The following ARHGAP24 variants were observed in gnomAD, a reference collection of about 807,000 sequenced individuals.
ARHGAP24 encodes the protein Rho GTPase activating protein 24, also known as rho GTPase-activating protein 24.
A neutral mutation model predicts 76.4 loss-of-function variants in ARHGAP24; 50 were observed. The ratio of observed to expected loss-of-function variants is 0.65; its 90% CI spans 0.52 to 0.83. The LOEUF is 0.83. ARHGAP24 is among the 40% of genes least tolerant of loss of function. ARHGAP24 has a pLI of 0.00. For missense variants in ARHGAP24, 930 were observed against 914.2 expected, an observed-to-expected ratio of 1.02 and a Z score of -0.22; for synonymous variants, 345 against 323.3, an observed-to-expected ratio of 1.07 and a Z score of -0.72.
chr4:85,645,286 TA>T (rs1286415245), intron 2 of ARHGAP24, among the ~76,000 whole-genome samples: 1 of 152,168 alleles, frequency 6.6e-6, no homozygotes, highest in African/African-American at 2.4e-5. Flanking sequence ...CACTATTTCA[TA>T]GAGTAAATTT....
intron 1 of ARHGAP24, among the ~76,000 whole-genome samples, chr4:85,517,047 G>A (rs928937308): frequency 2.0e-5 from 3 of 152,050 alleles, no homozygotes; most frequent in Non-Finnish European, 4.4e-5. Context: ...TCAGTGAGTT[G>A]AGCTGACACT....
chr4:85,686,250 T>G (rs1170704983), intron 2 of ARHGAP24, among the ~76,000 whole-genome samples: 2 of 152,136 alleles, frequency 1.3e-5, no homozygotes, highest in Non-Finnish European at 2.9e-5. Flanking sequence ...CACCCATATT[T>G]AATATGTCAC....
intron 4 of ARHGAP24, among the ~76,000 whole-genome samples, chr4:85,937,502 G>T (rs1213322561): frequency 1.3e-5 from 2 of 152,202 alleles, no homozygotes; most frequent in African/African-American, 4.8e-5. Flanking sequence ...TAATTAATAT[G>T]TAGTGAAATT....
intron 3 of ARHGAP24, among the ~76,000 whole-genome samples, chr4:85,730,311 T>C (rs7660702): frequency 0.43 from 65,879 of 152,040 alleles, 16,088 homozygotes; most frequent in East Asian, 0.91. Context: ...ATTCAGGGAG[T>C]TATTTACAAA....
At chr4:85,763,770 A>G (rs2110074699) in intron 3 of ARHGAP24, among the ~76,000 whole-genome samples, 1 of 152,282 alleles carries the variant, frequency 6.6e-6, no homozygotes. Flanking sequence ...ATGGAGTAAC[A>G]GTCTTGAGTT....
Position 85,721,981 on chromosome 4 carries a change from T to A in ARHGAP24, c.268+9T>A, listed in dbSNP as rs564276651. 3 of 1,608,650 alleles carry A rather than the reference T, an allele frequency of 1.9e-6. No individual in the cohort carries two copies. The highest frequency in any genetic ancestry group is 4.5e-5 in the East Asian group (2 of 44,742). On this transcript the variant is annotated intron_variant, in intron 3 of 9. Transcript: ENST00000395184. ...TTTTGAAGTAGTTCCAGGTAAGATA[T>A]TTTCCTAGTCTGATTAAATTATTGT...
Position 85,926,572 on chromosome 4 carries a change from A to G in ARHGAP24, c.391+2802A>G, listed in dbSNP as rs143829635. On this transcript the variant is annotated intron_variant, in intron 4 of 9. Transcript: ENST00000395184. ...TAAGATTTCAAATGTTCCTATTAAT[A>G]TTAATAAATTCTGTTATTGATTGAA... Among the ~76,000 whole-genome samples, 1,198 of 152,312 alleles carry G rather than the reference A, an allele frequency of 7.9e-3. 13 individuals are homozygous for G. Among genetic ancestry groups the G allele is most frequent in the African/African-American group, 0.027 (1,116 of 41,570 alleles).
chr4:85,608,118 A>G (rs1301392693), intron 2 of ARHGAP24, among the ~76,000 whole-genome samples: 1 of 152,208 alleles, frequency 6.6e-6, no homozygotes, highest in Admixed American at 6.5e-5. Flanking sequence ...GTTGTTTATA[A>G]TGAATGAGCA....
At chr4:85,905,930 A>G (rs919468446) in intron 3 of ARHGAP24, among the ~76,000 whole-genome samples, 1 of 152,158 alleles carries the variant, frequency 6.6e-6, no homozygotes, top group African/African-American at 2.4e-5. Flanking sequence ...ACCAATTAGT[A>G]CACTGGACAT....
In ARHGAP24 at chr4:85,874,919, T is replaced by TTTTATATAATTTATATATAAATATA. The variant is rs1553937328; in HGVS notation, c.269-48727_269-48726insTATATAATTTATATATAAATATATT. Among the ~76,000 whole-genome samples, 9 of 85,636 alleles carry TTTTATATAATTTATATATAAATATA rather than the reference T, an allele frequency of 1.1e-4. 1 individual carries two copies. The highest frequency in any genetic ancestry group is 4.7e-4 in the African/African-American group (9 of 18,954). The allele number at this position is 85,636 out of a possible 152,430, so 56.2% of individuals were successfully genotyped here. On this transcript the variant is annotated intron_variant, in intron 3 of 9. Coordinates refer to ENST00000395184, the MANE Select transcript of ARHGAP24 (RefSeq NM_001025616.3). ...TTTATATAATTTATATATAAATATA[T>TTTTATATAATTTATATATAAATATA]TTATATATAATTTATATATAATATA... is the stretch of plus-strand genomic sequence containing the variant.
At chr4:85,804,183 C>T (rs567946119) in intron 3 of ARHGAP24, among the ~76,000 whole-genome samples, 45 of 152,086 alleles carry the variant, frequency 3.0e-4, no homozygotes, top group African/African-American at 1.0e-3. Flanking sequence ...AGGAAAATCT[C>T]CAAAATTTTG....
intron 2 of ARHGAP24, among the ~76,000 whole-genome samples, chr4:85,621,490 T>A (rs1720718094): frequency 6.6e-6 from 1 of 152,140 alleles, no homozygotes; most frequent in Admixed American, 6.6e-5. Flanking sequence ...ATCTCATTGT[T>A]TTAATTAGCA....
At chr4:85,587,757 C>T (rs965501726) in intron 2 of ARHGAP24, among the ~76,000 whole-genome samples, 2 of 152,160 alleles carry the variant, frequency 1.3e-5, no homozygotes, top group African/African-American at 4.8e-5. Flanking sequence ...TCCTTCCATC[C>T]TTCTTTCCTT....
intron 4 of ARHGAP24, among the ~76,000 whole-genome samples, chr4:85,933,431 A>G (rs1330209662): frequency 6.6e-6 from 1 of 152,128 alleles, no homozygotes; most frequent in Admixed American, 6.5e-5. Flanking sequence ...GTGCAAGCTG[A>G]AACTCACCTC....
intron 1 of ARHGAP24, among the ~76,000 whole-genome samples, chr4:85,522,904 C>CAT (rs1553912195): frequency 6.6e-6 from 1 of 151,886 alleles, no homozygotes; most frequent in Non-Finnish European, 1.5e-5. Flanking sequence ...CTCACTTTGA[C>CAT]TTTTCTTTTG....
chr4:85,745,753 T>G (rs1307247630), intron 3 of ARHGAP24, among the ~76,000 whole-genome samples: 3 of 152,152 alleles, frequency 2.0e-5, no homozygotes, highest in African/African-American at 4.8e-5. Context: ...CCAAACTAAG[T>G]GTAATACATA....
intron 3 of ARHGAP24, among the ~76,000 whole-genome samples, chr4:85,890,849 G>A (rs1009586203): frequency 6.6e-6 from 1 of 152,154 alleles, no homozygotes; most frequent in African/African-American, 2.4e-5. Context: ...TATGACAATA[G>A]CACATAAAAT....
At chr4:85,998,418 C>T (rs1292912076) in intron 9 of ARHGAP24, among the ~76,000 whole-genome samples, 1 of 152,028 alleles carries the variant, frequency 6.6e-6, no homozygotes, top group African/African-American at 2.4e-5. Context: ...TTAGTAACTT[C>T]CTGATATGTC....
intron 2 of ARHGAP24, among the ~76,000 whole-genome samples, chr4:85,714,385 T>A (rs1278097477): frequency 6.6e-6 from 1 of 152,138 alleles, no homozygotes; most frequent in Non-Finnish European, 1.5e-5. Context: ...AATAATATAA[T>A]GAAAACACTT....
Sources: allele counts gnomAD v4.1 joint callset (sites outside exome capture counted in the v4.1 genomes callset), GRCh38; gene constraint gnomAD v4.1.1; transcripts MANE v1.5; gene names NCBI Gene and HGNC (gene_info 2026-07-23, HGNC 2026-07-21).